The following LYNX1 variants were observed in gnomAD, a reference collection of about 807,000 sequenced individuals.
LYNX1 encodes the protein Ly6/neurotoxin 1, also known as ly-6/neurotoxin-like protein 1.
In LYNX1, 8 loss-of-function variants were observed where a neutral mutation model predicts 8.3. The ratio of observed to expected loss-of-function variants is 0.97; its 90% CI spans 0.57 to 1.74. The LOEUF (loss-of-function observed/expected upper bound fraction) is 1.74. Among genes scored for constraint, LYNX1 ranks in the 40% most tolerant of loss-of-function variants. LYNX1 has a pLI of 0.00. For missense variants in LYNX1, 158 were observed against 159.7 expected (o/e 0.99, Z 0.06); for synonymous variants, 73 against 67.9 (o/e 1.08, Z -0.37).
Position 142,773,868 on chromosome 8 carries a change from T to A in LYNX1, c.*1299A>T. ...TGGGAGCACTGGTCAGGTGGGGGCCTCAGGTGCAGCGTGACCGCTGGCACC... is the reference window on the plus strand; with the variant it reads ...TGGGAGCACTGGTCAGGTGGGGGCCACAGGTGCAGCGTGACCGCTGGCACC... On this transcript the variant is annotated 3_prime_UTR_variant, in exon 4 of 4. Transcript: ENST00000652477. 1 of 985,424 alleles carries A rather than the reference T, an allele frequency of 1.0e-6. No individual in the cohort carries two copies. Among genetic ancestry groups the A allele is most frequent in the Non-Finnish European group, 1.2e-6 (1 of 829,932 alleles). The allele number at this position is 985,424 out of a possible 1,614,324, so 61.0% of individuals were successfully genotyped here.
At position 142,774,817 on chromosome 8, in the gene LYNX1, C is replaced by T. The variant is rs1229217846; in HGVS notation, c.*350G>A. 1.8e-6 allele frequency: 2 copies of T among 1,134,138 alleles called. No homozygotes were observed. Among genetic ancestry groups the T allele is most frequent in the Non-Finnish European group, 2.2e-6 (2 of 923,074 alleles). The allele number at this position is 1,134,138 out of a possible 1,614,324, so 70.3% of individuals were successfully genotyped here. A position where few individuals can be genotyped will look rare whatever the true frequency, so the allele number is the denominator to read the frequency against. ...CACCAGGGGCAGACTGAGGCAGGGG[C>T]CTCTCCTAGGGCTTCCCAGAAGGTG... On this transcript the variant is annotated 3_prime_UTR_variant, in exon 4 of 4. Transcript: ENST00000652477.
Position 142,773,937 on chromosome 8 carries a change from G to A in LYNX1, c.*1230C>T. On this transcript the variant is annotated 3_prime_UTR_variant, in exon 4 of 4. Coordinates refer to ENST00000652477, the MANE Select transcript of LYNX1 (RefSeq NM_177477.4). ...GAATGCCCCATTCACAGCAGGGGCA[G>A]GTGCTCCCTGGGCTACCTGCATCGG... is the stretch of plus-strand genomic sequence containing the variant. 1 of 985,412 alleles carries A rather than the reference G, an allele frequency of 1.0e-6. No homozygotes were observed. 61.0% of individuals were successfully genotyped at this position (985,412 alleles called of 1,614,324 possible).
intron 2 of LYNX1, 61 bp downstream of exon 2, chr8:142,775,845 C>T (rs1270465227): frequency 6.2e-7 from 1 of 1,606,054 alleles, no homozygotes; most frequent in Non-Finnish European, 8.5e-7. Context: ...TCCTTCCCTA[C>T]TGTCAGCCCA....
Position 142,773,463 on chromosome 8 carries a change from G to A in LYNX1, c.*1704C>T, listed in dbSNP as rs772402538. On this transcript the variant is annotated 3_prime_UTR_variant, in exon 4 of 4. Coordinates refer to ENST00000652477, the MANE Select transcript of LYNX1 (RefSeq NM_177477.4). ...CCCTCTGGGGAGTCACGTTCCTCCC[G>A]CTCCGGGCCCGTTCCCACCCAAGGT... 19 of 985,328 alleles carry A rather than the reference G, an allele frequency of 1.9e-5. No individual in the cohort carries two copies. Among genetic ancestry groups the A allele is most frequent in the South Asian group, 4.7e-5 (1 of 21,296 alleles). 61.0% of individuals were successfully genotyped at this position (985,328 alleles called of 1,614,324 possible). A position where few individuals can be genotyped will look rare whatever the true frequency, so the allele number is the denominator to read the frequency against.
chr8:142,775,710 G>A lies in LYNX1; in HGVS notation c.53-16C>T, dbSNP rs1815392328. ...AAGGCCTGGGCTGGGGTTGGCAGAT[G>A]GGCGGGAAGGGAACGGGGGTCACAG... On this transcript the variant is annotated splice_polypyrimidine_tract_variant and intron_variant, in intron 2 of 3. Transcript: ENST00000652477. The A allele has an allele frequency of 6.3e-7, 1 of 1,578,024 alleles. No individual in the cohort carries two copies. Among genetic ancestry groups the A allele is most frequent in the Non-Finnish European group, 8.6e-7 (1 of 1,161,040 alleles).
chr8:142,771,271 CA>C lies in LYNX1; in HGVS notation c.*3895del. 1 of 985,444 alleles carries C rather than the reference CA, an allele frequency of 1.0e-6. No individual in the cohort carries two copies. Among genetic ancestry groups the C allele is most frequent in the Non-Finnish European group, 1.2e-6 (1 of 829,962 alleles). 61.0% of individuals were successfully genotyped at this position (985,444 alleles called of 1,614,324 possible). A position where few individuals can be genotyped will look rare whatever the true frequency, so the allele number is the denominator to read the frequency against. ...ACGCTGGTTAGGGTAAGGGTTAGGGCAAGCATTAGCAGCAGGGGCATGGCCC... is the reference window on the plus strand; with the variant it reads ...ACGCTGGTTAGGGTAAGGGTTAGGGCAGCATTAGCAGCAGGGGCATGGCCC... On this transcript the variant is annotated 3_prime_UTR_variant, in exon 4 of 4. Coordinates refer to ENST00000652477, the MANE Select transcript of LYNX1 (RefSeq NM_177477.4).
rs958468874 is a variant in LYNX1, at chr8:142,773,236, CCT to C, written c.*1929_*1930del. ...TGAGAGGGCCTCATTTGGGCACTGCCCTGAGGCTGGCACTTGCAGGTGGGGGC... is the reference window on the plus strand; with the variant it reads ...TGAGAGGGCCTCATTTGGGCACTGCCGAGGCTGGCACTTGCAGGTGGGGGC... On this transcript the variant is annotated 3_prime_UTR_variant, in exon 4 of 4. Transcript: ENST00000652477. The C allele has an allele frequency of 5.1e-6, 5 of 985,422 alleles. No individual in the cohort carries two copies. Among genetic ancestry groups the C allele is most frequent in the Non-Finnish European group, 6.0e-6 (5 of 829,996 alleles). 61.0% of individuals were successfully genotyped at this position (985,422 alleles called of 1,614,324 possible). A position where few individuals can be genotyped will look rare whatever the true frequency, so the allele number is the denominator to read the frequency against.
At position 142,772,276 on chromosome 8, in the gene LYNX1, G is replaced by A. The variant is rs187632077; in HGVS notation, c.*2891C>T. On this transcript the variant is annotated 3_prime_UTR_variant, in exon 4 of 4. Transcript: ENST00000652477. ...CCTCGGTTCTGCGAGAGAGATCCCCGAAGTGGGAACTGGGCCCCCATGGTG... is the reference window on the plus strand; with the variant it reads ...CCTCGGTTCTGCGAGAGAGATCCCCAAAGTGGGAACTGGGCCCCCATGGTG... 2,839 of 985,874 alleles carry A rather than the reference G, an allele frequency of 2.9e-3. 8 individuals are homozygous for A. Among genetic ancestry groups the A allele is most frequent in the Non-Finnish European group, 3.2e-3 (2,636 of 830,024 alleles). The allele number at this position is 985,874 out of a possible 1,614,324, so 61.1% of individuals were successfully genotyped here.
intron 2 of LYNX1, 21 bp from the exon 3 acceptor site, chr8:142,775,715 G>A (rs1362766450): frequency 6.4e-7 from 1 of 1,570,844 alleles, no homozygotes; most frequent in Non-Finnish European, 8.6e-7. Flanking sequence ...CAGATGGGCG[G>A]GAAGGGAACG....
chr8:142,775,783 C>T (rs1815397365), intron 2 of LYNX1, 89 bp from the exon 3 acceptor site: 1 of 1,538,474 alleles, frequency 6.5e-7, no homozygotes, highest in Non-Finnish European at 8.9e-7. Flanking sequence ...AGCCCGTCAC[C>T]TTCCCCGGGG....
chr8:142,774,767 T>G lies in LYNX1; in HGVS notation c.*400A>C. 1 of 1,056,432 alleles carries G rather than the reference T, an allele frequency of 9.5e-7. No homozygotes were observed. The allele number at this position is 1,056,432 out of a possible 1,614,324, so 65.4% of individuals were successfully genotyped here. ...TCCCCACCACCCCACCTGCGGGCATTCCTTGTCTTCCCCCTGCCCCAGCAC... is the reference window on the plus strand; with the variant it reads ...TCCCCACCACCCCACCTGCGGGCATGCCTTGTCTTCCCCCTGCCCCAGCAC... On this transcript the variant is annotated 3_prime_UTR_variant, in exon 4 of 4. Transcript: ENST00000652477.
chr8:142,772,156 C>G lies in LYNX1; in HGVS notation c.*3011G>C. On this transcript the variant is annotated 3_prime_UTR_variant, in exon 4 of 4. Coordinates refer to ENST00000652477, the MANE Select transcript of LYNX1 (RefSeq NM_177477.4). ...CCTAGGGTGACAGAGCCCGCCCAAG[C>G]AGCCACTCCTGAGTCACTCGGGCAT... is the stretch of plus-strand genomic sequence containing the variant. 1.0e-6 allele frequency: 1 copy of G among 986,290 alleles called. No individual in the cohort carries two copies. Among genetic ancestry groups the G allele is most frequent in the South Asian group, 4.7e-5 (1 of 21,304 alleles). The allele number at this position is 986,290 out of a possible 1,614,324, so 61.1% of individuals were successfully genotyped here. A position where few individuals can be genotyped will look rare whatever the true frequency, so the allele number is the denominator to read the frequency against.
rs1328385059 is a variant in LYNX1, at chr8:142,771,331, G to T, written c.*3836C>A. The T allele has an allele frequency of 1.0e-6, 1 of 985,506 alleles. No homozygotes were observed. Among genetic ancestry groups the T allele is most frequent in the African/African-American group, 1.7e-5 (1 of 57,254 alleles). 61.0% of individuals were successfully genotyped at this position (985,506 alleles called of 1,614,324 possible). A position where few individuals can be genotyped will look rare whatever the true frequency, so the allele number is the denominator to read the frequency against. On this transcript the variant is annotated 3_prime_UTR_variant, in exon 4 of 4. Transcript: ENST00000652477. ...ACCTGGACCCCAGAACATAAGACAGGAGGGAGAGATGCCATCCATTCAGCG... is the reference window on the plus strand; with the variant it reads ...ACCTGGACCCCAGAACATAAGACAGTAGGGAGAGATGCCATCCATTCAGCG...
In LYNX1 at chr8:142,777,124, T is replaced by G. The variant is rs1478263973; in HGVS notation, c.-183A>C. On this transcript the variant is annotated 5_prime_UTR_variant, in exon 1 of 4. Transcript: ENST00000652477. ...ACCTCACCTGTGACCTTCACCACCG[T>G]GAGGTACCGCCGCGCCTGGGAGTCA... 1 of 152,110 alleles carries G rather than the reference T, an allele frequency of 6.6e-6. No individual in the cohort carries two copies. Among genetic ancestry groups the G allele is most frequent in the Non-Finnish European group, 1.5e-5 (1 of 68,056 alleles). 9.4% of individuals were successfully genotyped at this position (152,110 alleles called of 1,614,324 possible). A position where few individuals can be genotyped will look rare whatever the true frequency, so the allele number is the denominator to read the frequency against.
Position 142,775,161 on chromosome 8 carries a change from G to A in LYNX1, c.*6C>T. On this transcript the variant is annotated 3_prime_UTR_variant, in exon 4 of 4. Transcript: ENST00000652477. ...TTTGTTCTTGAGTGGGTCTGCCTCG[G>A]GGGCTTTAGAGGAGACCCCAGAGGG... is the stretch of plus-strand genomic sequence containing the variant. 6.2e-7 allele frequency: 1 copy of A among 1,609,330 alleles called. No homozygotes were observed. The highest frequency in any genetic ancestry group is 8.5e-7 in the Non-Finnish European group (1 of 1,178,280).
At position 142,774,703 on chromosome 8, in the gene LYNX1, G is replaced by A; in HGVS notation, c.*464C>T. On this transcript the variant is annotated 3_prime_UTR_variant, in exon 4 of 4. Transcript: ENST00000652477. Reference sequence around the variant, plus strand: ...TGGCAGCTCCTGGCCTCAGTAGGAAGCGTGACTAGGCCTGGAGGAGCCTTT... The same window carrying A: ...TGGCAGCTCCTGGCCTCAGTAGGAAACGTGACTAGGCCTGGAGGAGCCTTT... The A allele has an allele frequency of 2.0e-6, 2 of 1,001,238 alleles. No homozygotes were observed. The highest frequency in any genetic ancestry group is 2.4e-6 in the Non-Finnish European group (2 of 839,596). The allele number at this position is 1,001,238 out of a possible 1,614,324, so 62.0% of individuals were successfully genotyped here.
chr8:142,777,646 C>T (rs1181685420), upstream of LYNX1: 4 of 395,720 alleles, frequency 1.0e-5, no homozygotes, highest in Non-Finnish European at 1.3e-5. Context: ...CGGACCCGTC[C>T]CCGGACCGCC....
In LYNX1 at chr8:142,771,690, C is replaced by G; in HGVS notation, c.*3477G>C. 1 of 985,902 alleles carries G rather than the reference C, an allele frequency of 1.0e-6. No homozygotes were observed. The highest frequency in any genetic ancestry group is 4.7e-5 in the South Asian group (1 of 21,290). The allele number at this position is 985,902 out of a possible 1,614,324, so 61.1% of individuals were successfully genotyped here. A position where few individuals can be genotyped will look rare whatever the true frequency, so the allele number is the denominator to read the frequency against. ...AAAAGCTGGCATATCCACCGAGGGC[C>G]TCTCTGCTTCTTTTGACCTTTTTCA... On this transcript the variant is annotated 3_prime_UTR_variant, in exon 4 of 4. Coordinates refer to ENST00000652477, the MANE Select transcript of LYNX1 (RefSeq NM_177477.4).
rs368489387 is a variant in LYNX1, at chr8:142,775,659, C to T, written c.88G>A (p.Gly30Arg). The T allele has an allele frequency of 8.1e-6, 13 of 1,603,818 alleles. No individual in the cohort carries two copies. The highest frequency in any genetic ancestry group is 1.6e-4 in the Middle Eastern group (1 of 6,078). ...CGCATGGGGTTGAAGCAGTTGTCTC[C>T]GTTGTAGGCACACACGTGGCAGTCC... ...ALDCHVCAYN[G>R]DNCFNPMRCP... Residue 30 changes from glycine to arginine, a missense_variant, in exon 3 of 4, where the codon GGA becomes AGA. By Grantham distance (125) the Gly-to-Arg change is moderately radical. Coordinates refer to ENST00000652477, the MANE Select transcript of LYNX1 (RefSeq NM_177477.4).
Sources: gnomAD v4.1 joint callset for allele counts on GRCh38, gnomAD v4.1.1 for gene constraint, MANE v1.5 for transcripts, NCBI Gene and HGNC (gene_info 2026-07-23, HGNC 2026-07-21) for gene names.